The following GSE1 variants were observed in gnomAD, a reference collection of about 807,000 sequenced individuals.
GSE1 encodes the protein Gse1 coiled-coil protein, also known as genetic suppressor element 1.
In GSE1, 32 loss-of-function variants were observed where a neutral mutation model predicts 112.6. That is an observed-to-expected ratio of 0.28 (90% CI 0.21 to 0.38). The LOEUF is 0.38. GSE1 is among the 10% of genes least tolerant of loss of function. The pLI is 1.00. For missense variants in GSE1, 2,348 were observed against 1,699.2 expected, an observed-to-expected ratio of 1.38 and a Z score of -6.71; for synonymous variants, 1,115 against 735.6, an observed-to-expected ratio of 1.52 and a Z score of -8.35.
chr16:85,432,806 G>A (rs963540537), intron 2 of GSE1, among the ~76,000 whole-genome samples: 3 of 152,124 alleles, frequency 2.0e-5, no homozygotes, highest in African/African-American at 4.8e-5. Context: ...CAGGCCCCAG[G>A]TGCACAGGTG....
intron 2 of GSE1, among the ~76,000 whole-genome samples, chr16:85,423,584 C>T (rs891516086): frequency 1.4e-5 from 2 of 147,636 alleles, no homozygotes; most frequent in Non-Finnish European, 3.0e-5. Context: ...GGAACCCCAA[C>T]GAGAGAGGAG....
At chr16:85,272,313 G>A (rs1244251055) in intron 1 of GSE1, among the ~76,000 whole-genome samples, 2 of 152,240 alleles carry the variant, frequency 1.3e-5, no homozygotes, top group African/African-American at 2.4e-5. Context: ...GGAGCCTCAG[G>A]CCCGCAGAGG....
rs115912004 is a variant in GSE1, at chr16:85,373,903, C to T, written c.2464+16260C>T. ...TCATGAGCGGCAGCCTCCAGGCACCCGCCCGGCCTCCCTCCCCGCTCCCCG... is the reference window on the plus strand; with the variant it reads ...TCATGAGCGGCAGCCTCCAGGCACCTGCCCGGCCTCCCTCCCCGCTCCCCG... On this transcript the variant is annotated intron_variant, in intron 2 of 2. Transcript: ENST00000637419. This position sits in a 1 kb window ranked among gnomAD's most constrained non-coding sequence, Gnocchi z 5.1. Among the ~76,000 whole-genome samples the T allele has an allele frequency of 7.2e-3, 1,098 of 152,248 alleles. 16 individuals are homozygous for T. Among genetic ancestry groups the T allele is most frequent in the African/African-American group, 0.026 (1,061 of 41,542 alleles).
chr16:85,310,553 T>A (rs1001964395), intron 1 of GSE1, among the ~76,000 whole-genome samples: 1 of 128,196 alleles, frequency 7.8e-6, no homozygotes, highest in East Asian at 2.7e-4. Context: ...TCTCAGATCC[T>A]GTCACCTGCC....
chr16:85,663,260 A>AG, intron 10 of GSE1, 84 bp from the exon 11 acceptor site: 1 of 1,482,796 alleles, frequency 6.7e-7, no homozygotes, highest in Non-Finnish European at 9.2e-7. Flanking sequence ...CCACACTTCG[A>AG]GGACCCCAGG....
chr16:85,475,265 G>T (rs2050416643), intron 2 of GSE1, among the ~76,000 whole-genome samples: 1 of 152,244 alleles, frequency 6.6e-6, no homozygotes, highest in Admixed American at 6.5e-5. Context: ...GGGACGCTTT[G>T]CAGAGCAGTG....
intron 1 of GSE1, among the ~76,000 whole-genome samples, chr16:85,576,657 T>A (rs567315777): frequency 7.2e-5 from 11 of 152,352 alleles, no homozygotes; most frequent in African/African-American, 2.6e-4. Context: ...GGGCATTTTT[T>A]GAAGGGTCAC....
intron 2 of GSE1, among the ~76,000 whole-genome samples, chr16:85,493,004 G>A (rs987280604): frequency 3.9e-5 from 6 of 152,222 alleles, no homozygotes; most frequent in African/African-American, 9.6e-5. Context: ...CACTAAAAGA[G>A]CTCAGAGCTA....
At chr16:85,461,998 C>T (rs2049981782) in intron 2 of GSE1, among the ~76,000 whole-genome samples, 1 of 152,206 alleles carries the variant, frequency 6.6e-6, no homozygotes, top group African/African-American at 2.4e-5. Flanking sequence ...CTTAGAGCCT[C>T]GGTGCTCACA....
chr16:85,312,216 G>GAC (rs1313258287), intron 1 of GSE1, among the ~76,000 whole-genome samples: 2 of 150,596 alleles, frequency 1.3e-5, no homozygotes, highest in Admixed American at 1.3e-4. Flanking sequence ...GGGGGGGGGG[G>GAC]GACACACTTA....
At chr16:85,414,614 C>T (rs111960793) in intron 2 of GSE1, among the ~76,000 whole-genome samples, 43 of 152,246 alleles carry the variant, frequency 2.8e-4, no homozygotes, top group African/African-American at 9.6e-4. Context: ...TATGCATAGA[C>T]ATTAGTATGA....
At chr16:85,579,531 C>T (rs1598262654) in intron 1 of GSE1, among the ~76,000 whole-genome samples, 1 of 152,212 alleles carries the variant, frequency 6.6e-6, no homozygotes, top group Non-Finnish European at 1.5e-5. Context: ...ACAGGCCGGG[C>T]AGGCAGGTCA....
intron 15 of GSE1, 36 bp from the exon 16 acceptor site, chr16:85,672,369 A>T: frequency 6.4e-7 from 1 of 1,558,496 alleles, no homozygotes. Flanking sequence ...TACAGAGGAA[A>T]CGGGTTGGTT....
At chr16:85,633,575 T>A (rs1428510034) in intron 1 of GSE1, among the ~76,000 whole-genome samples, 2 of 152,160 alleles carry the variant, frequency 1.3e-5, no homozygotes, top group African/African-American at 2.4e-5. Flanking sequence ...CCACGCCATT[T>A]GATGGTCAGG....
chr16:85,615,261 G>A (rs532692659), intron 1 of GSE1, among the ~76,000 whole-genome samples: 90 of 152,272 alleles, frequency 5.9e-4, no homozygotes, highest in Non-Finnish European at 1.0e-3. Context: ...GTGTCATCCC[G>A]GCCGCCGGCT....
At chr16:85,334,435 CT>C (rs977976482) in intron 1 of GSE1, among the ~76,000 whole-genome samples, 1 of 152,222 alleles carries the variant, frequency 6.6e-6, no homozygotes, top group African/African-American at 2.4e-5. Context: ...CACTTGGGCC[CT>C]TCTGGCCCCC....
intron 2 of GSE1, among the ~76,000 whole-genome samples, chr16:85,636,844 C>T (rs924224505): frequency 1.8e-4 from 27 of 152,192 alleles, no homozygotes; most frequent in African/African-American, 6.3e-4. Flanking sequence ...TGGCTGTCAG[C>T]ACGCTGACCC....
intron 1 of GSE1, among the ~76,000 whole-genome samples, chr16:85,289,543 C>G (rs1357336461): frequency 2.6e-5 from 4 of 152,222 alleles, no homozygotes; most frequent in African/African-American, 9.6e-5. Context: ...GCCTAGGACT[C>G]TGCATTCTCA....
intron 1 of GSE1, among the ~76,000 whole-genome samples, chr16:85,227,355 C>G (rs4423408): frequency 2.0e-5 from 3 of 152,144 alleles, no homozygotes; most frequent in Non-Finnish European, 4.4e-5. Context: ...CCTCTTCTCA[C>G]GGACCTCAAC....
Sources: gnomAD v4.1 joint callset for allele counts (sites outside exome capture counted in the v4.1 genomes callset) on GRCh38, gnomAD v4.1.1 for gene constraint, Gnocchi (gnomAD v3.1) non-coding constraint, MANE v1.5 for transcripts, NCBI Gene and HGNC (gene_info 2026-07-23, HGNC 2026-07-21) for gene names.